Variants in KCNJ15 observed in about 807,000 individuals in gnomAD.
The protein encoded by KCNJ15 is potassium inwardly rectifying channel subfamily J member 15.
KCNJ15 carries 14 observed loss-of-function variants against 23.0 expected under a neutral mutation model. The observed-to-expected ratio is 0.61, with a 90% CI of 0.40 to 0.95. The LOEUF is 0.95. Ranked by LOEUF, KCNJ15 falls within the 40% of genes least tolerant of loss-of-function variation. The probability of loss-of-function intolerance (pLI) is 0.00; values close to 1 mark genes in which losing one functional copy is unlikely to be tolerated. For missense variants in KCNJ15, 388 were observed against 461.8 expected, an observed-to-expected ratio of 0.84 and a Z score of 1.46; for synonymous variants, 185 against 183.2, an observed-to-expected ratio of 1.01 and a Z score of -0.08.
chr21:38,282,180 T>C (rs1437950160), intron 1 of KCNJ15, among the ~76,000 whole-genome samples: 2 of 152,160 alleles, frequency 1.3e-5, no homozygotes, highest in Non-Finnish European at 1.5e-5. Flanking sequence ...ATGTATAAGA[T>C]ATAAACACTT....
chr21:38,277,110 A>G (rs956042911), intron 1 of KCNJ15, among the ~76,000 whole-genome samples: 4 of 152,208 alleles, frequency 2.6e-5, no homozygotes, highest in African/African-American at 9.6e-5. Context: ...AAAAAAGGAA[A>G]GAAACTAGGT....
chr21:38,279,888 C>G (rs537682659), intron 1 of KCNJ15, among the ~76,000 whole-genome samples: 1 of 152,254 alleles, frequency 6.6e-6, no homozygotes, highest in Admixed American at 6.5e-5. Context: ...AGGCCATTGC[C>G]AAGGTCTTTC....
At chr21:38,274,499 C>A (rs191242541) in intron 1 of KCNJ15, among the ~76,000 whole-genome samples, 20 of 152,324 alleles carry the variant, frequency 1.3e-4, no homozygotes, top group Non-Finnish European at 2.5e-4. Flanking sequence ...AGAATATAAG[C>A]CTCATGAGAG....
intron 1 of KCNJ15, among the ~76,000 whole-genome samples, chr21:38,283,940 A>G (rs930222147): frequency 1.3e-5 from 2 of 152,060 alleles, no homozygotes; most frequent in African/African-American, 4.8e-5. Flanking sequence ...TCTTAAGGCT[A>G]CTCAGGCTCA....
At chr21:38,238,682 T>C (rs916430287) in intron 1 of KCNJ15, 2 of 496,138 alleles carry the variant, frequency 4.0e-6, no homozygotes, top group Non-Finnish European at 7.6e-6. Flanking sequence ...TGTAATGTTT[T>C]AAACTCTAGG....
chr21:38,290,990 G>GT (rs386394733), intron 1 of KCNJ15, among the ~76,000 whole-genome samples: 3 of 8,880 alleles, frequency 3.4e-4, no homozygotes, highest in African/African-American at 1.2e-3. Context: ...GTCATAAAAA[G>GT]GCTAAACACA....
intron 1 of KCNJ15, among the ~76,000 whole-genome samples, chr21:38,249,624 G>A (rs1979690070): frequency 6.6e-6 from 1 of 152,202 alleles, no homozygotes; most frequent in South Asian, 2.1e-4. Context: ...GTATAGGTGT[G>A]GTCAAACACC....
intron 1 of KCNJ15, among the ~76,000 whole-genome samples, chr21:38,288,026 C>CTTTTTTTTTTTTTTTCTTTTTT (rs1171718120): frequency 1.3e-5 from 1 of 78,170 alleles, no homozygotes. Flanking sequence ...TTGTTTTTTT[C>CTTTTTTTTTTTTTTTCTTTTTT]TTTGTTTTTT....
intron 1 of KCNJ15, 64 bp from the exon 2 acceptor site, chr21:38,296,862 G>A (rs989948729): frequency 6.6e-6 from 1 of 152,652 alleles, no homozygotes; most frequent in African/African-American, 2.4e-5. Context: ...AATCATCGGG[G>A]GTCAGTTTTA....
At chr21:38,265,005 A>T (rs1465541212) in intron 1 of KCNJ15, among the ~76,000 whole-genome samples, 1 of 152,238 alleles carries the variant, frequency 6.6e-6, no homozygotes, top group Non-Finnish European at 1.5e-5. Context: ...ACAAGGGGAA[A>T]AAATAAAAGA....
At chr21:38,278,009 T>G (rs1171228576) in intron 1 of KCNJ15, among the ~76,000 whole-genome samples, 1 of 152,202 alleles carries the variant, frequency 6.6e-6, no homozygotes, top group Non-Finnish European at 1.5e-5. Flanking sequence ...GAACACTGAC[T>G]TTGCAGGCAT....
chr21:38,249,888 A>G (rs1004120919), intron 1 of KCNJ15, among the ~76,000 whole-genome samples: 1 of 152,290 alleles, frequency 6.6e-6, no homozygotes, highest in Admixed American at 6.5e-5. Context: ...CTTTGAATTC[A>G]TTTTTAGCTT....
rs1182148585 is a variant in KCNJ15, at chr21:38,302,795, G to A, written c.*2406G>A. The A allele has an allele frequency of 6.6e-6, 1 of 152,064 alleles. No individual in the cohort carries two copies. The highest frequency in any genetic ancestry group is 2.4e-5 in the African/African-American group (1 of 41,424). The allele number at this position is 152,064 out of a possible 1,614,324, so 9.4% of individuals were successfully genotyped here. On this transcript the variant is annotated 3_prime_UTR_variant, in exon 3 of 3. Transcript: ENST00000398938. ...TAGCATAAGATCCAAAAAAAATTTT[G>A]TATTGTCATTTAGCATATCAATTTC... is the stretch of plus-strand genomic sequence containing the variant.
intron 1 of KCNJ15, among the ~76,000 whole-genome samples, chr21:38,284,663 T>C (rs1053868332): frequency 1.3e-5 from 2 of 152,132 alleles, no homozygotes; most frequent in Non-Finnish European, 2.9e-5. Flanking sequence ...CCCAAGATAC[T>C]CCTTGTGCTC....
rs1391741509 is a variant in KCNJ15 at position 38,305,024 on chromosome 21, G to A, written c.*4635G>A. 1 of 139,066 alleles carries A rather than the reference G, an allele frequency of 7.2e-6. No homozygotes were observed. The highest frequency in any genetic ancestry group is 1.5e-5 in the Non-Finnish European group (1 of 65,850). 8.6% of individuals were successfully genotyped at this position (139,066 alleles called of 1,614,324 possible). ...GAACCCGGGAGGTGGACGTTGCAGT[G>A]AGCTAAGATCGCGCCACTGCACTCC... is the stretch of plus-strand genomic sequence containing the variant. On this transcript the variant is annotated 3_prime_UTR_variant, in exon 3 of 3. Transcript: ENST00000398938.
At chr21:38,293,389 G>A (rs897080925) in intron 1 of KCNJ15, among the ~76,000 whole-genome samples, 7 of 152,130 alleles carry the variant, frequency 4.6e-5, no homozygotes, top group African/African-American at 1.7e-4. Flanking sequence ...CAAGGGAGTA[G>A]GAAACACACA....
chr21:38,289,871 C>A (rs1249302487), intron 1 of KCNJ15, among the ~76,000 whole-genome samples: 1 of 152,208 alleles, frequency 6.6e-6, no homozygotes, highest in East Asian at 1.9e-4. Flanking sequence ...CATGTCCAAG[C>A]CACGCTGTGA....
chr21:38,264,710 G>A (rs1198951498), intron 1 of KCNJ15, among the ~76,000 whole-genome samples: 1 of 152,200 alleles, frequency 6.6e-6, no homozygotes, highest in African/African-American at 2.4e-5. Flanking sequence ...TAACTGGTGT[G>A]TTCTCTCCCT....
intron 1 of KCNJ15, among the ~76,000 whole-genome samples, chr21:38,251,148 G>A (rs969659621): frequency 2.6e-5 from 4 of 152,234 alleles, no homozygotes; most frequent in African/African-American, 4.8e-5. Flanking sequence ...GCTGGAGAAG[G>A]TAACTGTACT....
Sources: allele counts gnomAD v4.1 joint callset (sites outside exome capture counted in the v4.1 genomes callset), GRCh38; gene constraint gnomAD v4.1.1; transcripts MANE v1.5; gene names NCBI Gene and HGNC (gene_info 2026-07-23, HGNC 2026-07-21).